Variants in PCDH11X observed in about 807,000 individuals in gnomAD.
The protein encoded by PCDH11X is protocadherin-11 X-linked.
In PCDH11X, 18 loss-of-function variants were observed where a neutral mutation model predicts 53.3. The observed-to-expected ratio is 0.34, with a 90% CI of 0.23 to 0.50. PCDH11X has a LOEUF of 0.50. Among genes scored for constraint, PCDH11X ranks in the 20% least tolerant of loss-of-function variants. PCDH11X has a pLI of 0.98. For missense variants in PCDH11X, 570 were observed against 1,032.4 expected (o/e 0.55, Z 6.14); for synonymous variants, 279 against 393.3 (o/e 0.71, Z 3.44).
chrX:91,846,413 T>C (rs1195399576), intron 5 of PCDH11X, among the ~76,000 whole-genome samples: 11 of 110,163 alleles, frequency 1.0e-4, no homozygotes, highest in East Asian at 2.9e-4. Flanking sequence ...GTCAGGAGAT[T>C]GAGACCATCC....
intron 9 of PCDH11X, among the ~76,000 whole-genome samples, chrX:92,421,119 G>T (rs1049220949): frequency 1.1e-4 from 12 of 111,466 alleles, no homozygotes; most frequent in Non-Finnish European, 2.3e-4. Flanking sequence ...TTATTTATCT[G>T]TGTTTTGTTT....
chrX:91,900,638 C>T (rs1274384641), intron 6 of PCDH11X, among the ~76,000 whole-genome samples: 1 of 110,274 alleles, frequency 9.1e-6, no homozygotes, highest in Non-Finnish European at 1.9e-5. Context: ...TAGGTTTGCT[C>T]CCTCATAAAA....
At chrX:91,828,798 A>G (rs1244106841) in intron 4 of PCDH11X, among the ~76,000 whole-genome samples, 3 of 111,610 alleles carry the variant, frequency 2.7e-5, no homozygotes, top group Non-Finnish European at 5.6e-5. Flanking sequence ...GGGGTGAATG[A>G]ATGCAACTAT....
intron 1 of PCDH11X, among the ~76,000 whole-genome samples, chrX:91,792,546 A>G (rs1458129852): frequency 9.0e-6 from 1 of 111,462 alleles, no homozygotes; most frequent in African/African-American, 3.3e-5. Context: ...ACAATACTGT[A>G]TAATACATAC....
chrX:92,054,499 A>C (rs777323126), intron 6 of PCDH11X, among the ~76,000 whole-genome samples: 1 of 111,787 alleles, frequency 8.9e-6, no homozygotes, highest in African/African-American at 3.2e-5. Context: ...CCAGAAGTTC[A>C]AGGAAGAACT....
intron 6 of PCDH11X, among the ~76,000 whole-genome samples, chrX:91,932,275 G>A (rs1435053643): frequency 9.1e-6 from 1 of 109,953 alleles, no homozygotes; most frequent in Non-Finnish European, 1.9e-5. Flanking sequence ...ATGATTATGT[G>A]TATATGTTAT....
chrX:92,488,021 G>A (rs1316955074), intron 10 of PCDH11X, among the ~76,000 whole-genome samples: 1 of 112,565 alleles, frequency 8.9e-6, no homozygotes, highest in Non-Finnish European at 1.9e-5. Flanking sequence ...CTGTAGCCTC[G>A]AACTGCTGGG....
At chrX:91,887,057 A>T (rs1174941994) in intron 6 of PCDH11X, among the ~76,000 whole-genome samples, 16 of 108,085 alleles carry the variant, frequency 1.5e-4, no homozygotes, top group Non-Finnish European at 2.5e-4. Context: ...TATTCAATCA[A>T]TATTTACTAA....
intron 6 of PCDH11X, among the ~76,000 whole-genome samples, chrX:92,187,674 A>G (rs2066122659): frequency 8.9e-6 from 1 of 111,835 alleles, no homozygotes. Flanking sequence ...CAGATGGTTG[A>G]GGTTTTCGTT....
At chrX:91,814,108 CAG>C (rs201718348) in intron 4 of PCDH11X, among the ~76,000 whole-genome samples, 19,482 of 107,617 alleles carry the variant, frequency 0.18, 1,767 homozygotes, top group East Asian at 0.28. Flanking sequence ...ATTTTCAACA[CAG>C]TGCTGGATTA....
intron 6 of PCDH11X, among the ~76,000 whole-genome samples, chrX:92,188,394 C>A (rs972222406): frequency 8.1e-5 from 9 of 111,370 alleles, no homozygotes; most frequent in African/African-American, 2.9e-4. Flanking sequence ...TAGAGAGCAT[C>A]TTTAGAAAAC....
At chrX:92,141,632 T>G (rs2065180752) in intron 6 of PCDH11X, among the ~76,000 whole-genome samples, 1 of 112,033 alleles carries the variant, frequency 8.9e-6, no homozygotes, top group Admixed American at 9.6e-5. Flanking sequence ...TCATCACAGT[T>G]ATGTTGCTAT....
At chrX:92,288,444 C>T (rs1266898300) in intron 8 of PCDH11X, among the ~76,000 whole-genome samples, 6 of 103,096 alleles carry the variant, frequency 5.8e-5, no homozygotes, top group African/African-American at 2.2e-4. Context: ...GGCTGGAGTG[C>T]AGTGGCAGCC....
At chrX:92,003,925 CTT>C (rs2062553758) in intron 6 of PCDH11X, among the ~76,000 whole-genome samples, 3 of 109,886 alleles carry the variant, frequency 2.7e-5, no homozygotes, top group African/African-American at 9.9e-5. Context: ...CTTCTACTAA[CTT>C]TGGTTTGATT....
At chrX:92,437,963 C>T (rs901852056) in intron 9 of PCDH11X, among the ~76,000 whole-genome samples, 5 of 111,845 alleles carry the variant, frequency 4.5e-5, no homozygotes, top group African/African-American at 1.6e-4. Context: ...AAGTAATGCA[C>T]CTACTGCTAA....
chrX:92,274,549 G>A (rs1003259171), intron 8 of PCDH11X, among the ~76,000 whole-genome samples: 2 of 111,406 alleles, frequency 1.8e-5, no homozygotes, highest in African/African-American at 6.6e-5. Flanking sequence ...AGGTATTTTA[G>A]TTATCTGACT....
intron 8 of PCDH11X, among the ~76,000 whole-genome samples, chrX:92,368,426 C>T (rs2070528963): frequency 1.8e-5 from 2 of 111,792 alleles, no homozygotes; most frequent in African/African-American, 6.5e-5. Flanking sequence ...AGCTTCCTTG[C>T]ATTGGCTTAA....
chrX:92,238,653 G>T (rs1420765411), intron 7 of PCDH11X, among the ~76,000 whole-genome samples: 1 of 111,580 alleles, frequency 9.0e-6, no homozygotes, highest in Non-Finnish European at 1.9e-5. Context: ...TGTTGTCTGT[G>T]CATACAACTA....
chrX:92,358,735 G>A (rs1603286934), intron 8 of PCDH11X, among the ~76,000 whole-genome samples: 1 of 102,494 alleles, frequency 9.8e-6, no homozygotes, highest in South Asian at 4.7e-4. Flanking sequence ...ATATGATCTT[G>A]GACAAACAAT....
Sources: allele counts gnomAD v4.1 joint callset (sites outside exome capture counted in the v4.1 genomes callset), GRCh38; gene constraint gnomAD v4.1.1; transcripts MANE v1.5; gene names NCBI Gene and HGNC (gene_info 2026-07-23, HGNC 2026-07-21).